The following PEAK1 variants were observed in gnomAD, a reference collection of about 807,000 sequenced individuals.
PEAK1 encodes pseudopodium enriched atypical kinase 1.
Under a neutral mutation model 124.7 loss-of-function variants are expected in PEAK1, and 54 were observed. The ratio of observed to expected loss-of-function variants is 0.43; its 90% CI spans 0.35 to 0.54. The LOEUF is 0.54. Among genes scored for constraint, PEAK1 ranks in the 20% least tolerant of loss-of-function variants. The pLI is 0.01. For missense variants in PEAK1, 2,046 were observed against 2,134.5 expected (o/e 0.96, Z 0.82); for synonymous variants, 719 against 760.0 (o/e 0.95, Z 0.89).
chr15:77,234,449 ATAATT>A (rs1279466930), intron 6 of PEAK1, among the ~76,000 whole-genome samples: 7 of 152,278 alleles, frequency 4.6e-5, no homozygotes, highest in Admixed American at 1.3e-4. Context: ...ATTTAAGCAA[ATAATT>A]TAATTTTTAT....
chr15:77,334,500 A>G, intron 2 of PEAK1: 1 of 985,264 alleles, frequency 1.0e-6, no homozygotes, highest in Non-Finnish European at 1.2e-6. Flanking sequence ...CATCTCTTCC[A>G]CTCACGACCC....
chr15:77,104,498 C>G (rs1364432952), downstream of PEAK1: 1 of 152,308 alleles, frequency 6.6e-6, no homozygotes, highest in African/African-American at 2.4e-5. Context: ...CCCTGAAGAA[C>G]AGAGAGAAAA....
chr15:77,157,636 A>G (rs893801284), intron 8 of PEAK1: 1 of 152,150 alleles, frequency 6.6e-6, no homozygotes, highest in Non-Finnish European at 1.5e-5. Flanking sequence ...AATAACAGGG[A>G]TCTTTACTTT....
At chr15:77,388,789 G>C (rs1406635102) in intron 1 of PEAK1, among the ~76,000 whole-genome samples, 1 of 136,022 alleles carries the variant, frequency 7.4e-6, no homozygotes, top group Non-Finnish European at 1.6e-5. Flanking sequence ...GGGTCTCCAA[G>C]TTAAAACTTC....
At chr15:77,313,694 A>G (rs34517575) in intron 2 of PEAK1, among the ~76,000 whole-genome samples, 15,406 of 76,670 alleles carry the variant, frequency 0.2, 1,111 homozygotes, top group Middle Eastern at 0.32. Context: ...GTGTGTGTGT[A>G]TATATATATA....
intron 5 of PEAK1, among the ~76,000 whole-genome samples, chr15:77,259,703 T>G (rs1354947344): frequency 6.6e-6 from 1 of 152,156 alleles, no homozygotes; most frequent in Non-Finnish European, 1.5e-5. Context: ...TGGAAAGGAC[T>G]ATTTTCAGAC....
chr15:77,257,753 T>C (rs1298339386), intron 5 of PEAK1, among the ~76,000 whole-genome samples: 1 of 152,206 alleles, frequency 6.6e-6, no homozygotes, highest in Non-Finnish European at 1.5e-5. Context: ...TTGTCAATTT[T>C]GGCTTTTGTT....
chr15:77,249,571 C>T (rs1296546016), intron 6 of PEAK1, among the ~76,000 whole-genome samples: 1 of 151,976 alleles, frequency 6.6e-6, no homozygotes, highest in African/African-American at 2.4e-5. Context: ...TGGATGGGGC[C>T]AGAAAAATAT....
chr15:77,368,667 T>C (rs1271423415), intron 1 of PEAK1, among the ~76,000 whole-genome samples: 1 of 152,188 alleles, frequency 6.6e-6, no homozygotes, highest in East Asian at 1.9e-4. Context: ...AAGAAGTGTT[T>C]GATTAATCAA....
intron 1 of PEAK1, chr15:77,370,802 C>T: frequency 3.3e-6 from 3 of 906,118 alleles, no homozygotes; most frequent in Non-Finnish European, 4.0e-6. Flanking sequence ...GAGGCTGAAG[C>T]AGGCGGATAA....
intron 5 of PEAK1, among the ~76,000 whole-genome samples, chr15:77,260,362 A>T (rs2061376179): frequency 6.6e-6 from 1 of 152,208 alleles, no homozygotes; most frequent in Non-Finnish European, 1.5e-5. Context: ...TTATCATTTA[A>T]TAAAAAAATT....
intron 7 of PEAK1, among the ~76,000 whole-genome samples, chr15:77,167,473 T>C (rs1053527043): frequency 6.6e-6 from 1 of 152,250 alleles, no homozygotes; most frequent in African/African-American, 2.4e-5. Flanking sequence ...AATTTAACAG[T>C]AAGGACTTCA....
At chr15:77,264,477 C>A (rs1200365541) in intron 5 of PEAK1, among the ~76,000 whole-genome samples, 2 of 152,028 alleles carry the variant, frequency 1.3e-5, no homozygotes, top group Non-Finnish European at 2.9e-5. Context: ...AACAGAGAGC[C>A]AAATCATGAG....
At chr15:77,363,183 T>A (rs1032079472) in intron 2 of PEAK1, among the ~76,000 whole-genome samples, 1 of 152,128 alleles carries the variant, frequency 6.6e-6, no homozygotes, top group Non-Finnish European at 1.5e-5. Flanking sequence ...CATAAACAAT[T>A]ACAGTCTTTA....
intron 6 of PEAK1, among the ~76,000 whole-genome samples, chr15:77,224,059 G>A (rs767588105): frequency 6.6e-6 from 1 of 151,252 alleles, no homozygotes; most frequent in African/African-American, 2.4e-5. Flanking sequence ...TTTGGACAGG[G>A]TTATTCTTTA....
intron 8 of PEAK1, among the ~76,000 whole-genome samples, chr15:77,144,436 C>T (rs1386330629): frequency 1.3e-5 from 2 of 152,216 alleles, no homozygotes; most frequent in Non-Finnish European, 2.9e-5. Flanking sequence ...GCACTTTTTG[C>T]TTTACTAAAG....
At chr15:77,419,452 G>C (rs2073177747) in intron 1 of PEAK1, 1 of 985,368 alleles carries the variant, frequency 1.0e-6, no homozygotes, top group Non-Finnish European at 1.2e-6. Context: ...CAGCCCACAC[G>C]TTCGCGGGCT....
downstream of PEAK1, chr15:77,104,919 T>C (rs2152701715): frequency 6.6e-6 from 1 of 152,362 alleles, no homozygotes; most frequent in South Asian, 2.1e-4. Context: ...GCTGGCTTTC[T>C]AGAGACAGAC....
chr15:77,301,534 G>A (rs1212522134), intron 2 of PEAK1, among the ~76,000 whole-genome samples: 4 of 152,174 alleles, frequency 2.6e-5, no homozygotes, highest in African/African-American at 9.7e-5. Flanking sequence ...CTGGTCATAT[G>A]TTTTGCAAAA....
Sources: gnomAD v4.1 joint callset for allele counts (sites outside exome capture counted in the v4.1 genomes callset) on GRCh38, gnomAD v4.1.1 for gene constraint, MANE v1.5 for transcripts, NCBI Gene and HGNC (gene_info 2026-07-23, HGNC 2026-07-21) for gene names.